PTPRB: variants seen among roughly 807,000 people sequenced by gnomAD.
PTPRB encodes the protein protein tyrosine phosphatase receptor type B.
A neutral mutation model predicts 238.1 loss-of-function variants in PTPRB; 97 were observed. The ratio of observed to expected loss-of-function variants is 0.41; its 90% confidence interval spans 0.35 to 0.48. The LOEUF (loss-of-function observed/expected upper bound fraction) is 0.48, where lower values mean the gene tolerates loss of function less well. PTPRB is among the 20% of genes least tolerant of loss of function. The probability of loss-of-function intolerance (pLI) is 0.30; values close to 1 mark genes in which losing one functional copy is unlikely to be tolerated. For missense variants in PTPRB, 2,292 were observed against 2,681.9 expected (o/e 0.85, Z 3.21); for synonymous variants, 970 against 995.4 (o/e 0.97, Z 0.48).
chr12:70,534,649 C>T lies in PTPRB; in HGVS notation c.6207G>A (p.Glu2069=), dbSNP rs1225872630. The T allele has an allele frequency of 1.2e-6, 2 of 1,611,904 alleles. No homozygotes were observed. Among genetic ancestry groups the T allele is most frequent in the Non-Finnish European group, 1.7e-6 (2 of 1,179,018 alleles). ...TGAGTCTGTGTGCATCAAGCTGTTC[C>T]TCCTGTAAGAGCAGAGAGCAGGATA... is the stretch of plus-strand genomic sequence containing the variant. ...WTIREFKICG[E]EQLDAHRLIR... is the part of the protein sequence containing the mutation. Residue 2069 remains glutamate (E), a splice_region_variant and synonymous_variant, in exon 31 of 34, where the codon GAG becomes GAA. Coordinates refer to ENST00000334414, the MANE Select transcript of PTPRB (RefSeq NM_001109754.4).
chr12:70,573,768 G>C (rs1880386063), intron 11 of PTPRB, among the ~76,000 whole-genome samples: 1 of 150,332 alleles, frequency 6.7e-6, no homozygotes, highest in African/African-American at 2.5e-5. Flanking sequence ...GCCTCCCAAA[G>C]TGCTGGGGAT....
At chr12:70,617,385 C>G (rs1422659693) in intron 3 of PTPRB, among the ~76,000 whole-genome samples, 5 of 152,162 alleles carry the variant, frequency 3.3e-5, no homozygotes, top group Admixed American at 6.5e-5. Flanking sequence ...TCCCAAGTGG[C>G]CTTTTTTGTA....
rs1192334721 is a variant in PTPRB at position 70,555,319 on chromosome 12, G to A, written c.4994-10C>T. 1.9e-6 allele frequency: 3 copies of A among 1,607,824 alleles called. No homozygotes were observed. Among genetic ancestry groups the A allele is most frequent in the Non-Finnish European group, 2.5e-6 (3 of 1,177,342 alleles). On this transcript the variant is annotated splice_polypyrimidine_tract_variant and intron_variant, in intron 19 of 33. Transcript: ENST00000334414. The stretch of plus-strand genomic sequence containing the variant: ...GGTGGAGGAGGGGGGCCTGGAAAAA[G>A]AGGTGGGGAAGGAACCAAGAGGGGT...
intron 31 of PTPRB, among the ~76,000 whole-genome samples, chr12:70,533,241 C>T (rs1293327759): frequency 1.3e-5 from 2 of 152,060 alleles, no homozygotes; most frequent in African/African-American, 2.4e-5. Flanking sequence ...AAAATGCCTG[C>T]CATTTTTCAA....
chr12:70,537,044 G>A (rs1486512060), intron 28 of PTPRB, among the ~76,000 whole-genome samples: 11 of 152,116 alleles, frequency 7.2e-5, no homozygotes, highest in Non-Finnish European at 1.5e-5. Flanking sequence ...CAGCACTTTG[G>A]GAGGCCAAGG....
intron 29 of PTPRB, among the ~76,000 whole-genome samples, chr12:70,535,300 A>G (rs1592408832): frequency 8.7e-6 from 1 of 114,594 alleles, no homozygotes; most frequent in Non-Finnish European, 1.7e-5. Flanking sequence ...TTCACAACGT[A>G]TTGTTCTTTC....
chr12:70,571,158 G>T lies in PTPRB; in HGVS notation c.3238C>A (p.Pro1080Thr). 4 of 1,613,982 alleles carry T rather than the reference G, an allele frequency of 2.5e-6. No individual in the cohort carries two copies. Among genetic ancestry groups the T allele is most frequent in the Non-Finnish European group, 3.4e-6 (4 of 1,179,890 alleles). Residue 1080 changes from proline to threonine, a missense_variant, in exon 13 of 34, where the codon CCT becomes ACT. By Grantham distance (38) the Pro-to-Thr change is conservative (BLOSUM62 -1). Around this residue, in one of 4 missense-constraint regions of PTPRB, gnomAD observed 1,205 missense variants for 1,287.8 expected, o/e 0.94. Coordinates refer to ENST00000334414, the MANE Select transcript of PTPRB (RefSeq NM_001109754.4). Reference sequence around the variant, plus strand: ...GCGGTATTTACAAGGTGAAAAGGAGGAAATACTTTCATGTCATTGAAGAGC... The same window carrying T: ...GCGGTATTTACAAGGTGAAAAGGAGTAAATACTTTCATGTCATTGAAGAGC... Reference protein sequence around the residue: ...QLLFNDMKVFPPFHLVNTATE... With the variant: ...QLLFNDMKVFTPFHLVNTATE...
intron 21 of PTPRB, among the ~76,000 whole-genome samples, chr12:70,547,342 A>G (rs760742411): frequency 1.6e-4 from 24 of 152,228 alleles, no homozygotes; most frequent in Non-Finnish European, 2.6e-4. Flanking sequence ...GGGGAAGGTG[A>G]GGAGTTGGTG....
At chr12:70,600,462 T>C (rs1883381690) in intron 4 of PTPRB, among the ~76,000 whole-genome samples, 1 of 152,204 alleles carries the variant, frequency 6.6e-6, no homozygotes, top group Non-Finnish European at 1.5e-5. Context: ...TAAAAATAGA[T>C]GTCTACGGAA....
intron 9 of PTPRB, among the ~76,000 whole-genome samples, chr12:70,581,703 G>C (rs1312020439): frequency 6.6e-6 from 1 of 151,972 alleles, no homozygotes; most frequent in Non-Finnish European, 1.5e-5. Flanking sequence ...GGGTGGTATT[G>C]GGAATTCCCT....
chr12:70,556,895 T>C (rs991421941), intron 18 of PTPRB, among the ~76,000 whole-genome samples: 3 of 152,240 alleles, frequency 2.0e-5, no homozygotes, highest in African/African-American at 7.2e-5. Flanking sequence ...GTACCTACTA[T>C]GTGCCAGGTG....
intron 7 of PTPRB, among the ~76,000 whole-genome samples, chr12:70,591,167 G>A (rs973223085): frequency 1.3e-5 from 2 of 150,744 alleles, no homozygotes; most frequent in African/African-American, 4.9e-5. Flanking sequence ...AAACTCCTGG[G>A]CTCAAGCAAC....
At chr12:70,601,500 A>G (rs1324273040) in intron 4 of PTPRB, among the ~76,000 whole-genome samples, 2 of 152,138 alleles carry the variant, frequency 1.3e-5, no homozygotes, top group East Asian at 1.9e-4. Context: ...AAACAACAGC[A>G]TCTTTACAGA....
intron 15 of PTPRB, among the ~76,000 whole-genome samples, chr12:70,564,019 C>T (rs59888675): frequency 0.051 from 7,829 of 152,238 alleles, 578 homozygotes; most frequent in African/African-American, 0.17. Context: ...CACCACTCAT[C>T]CTCGCTCACT....
At chr12:70,552,076 A>G (rs969072283) in intron 21 of PTPRB, among the ~76,000 whole-genome samples, 1 of 152,204 alleles carries the variant, frequency 6.6e-6, no homozygotes, top group Non-Finnish European at 1.5e-5. Flanking sequence ...TTCAGTTCAC[A>G]TTATAAGTAG....
In PTPRB at chr12:70,552,830, A is replaced by T; in HGVS notation, c.5334T>A (p.Asp1778Glu). The change falls in exon 21 of 34, where the codon GAT becomes GAA. Residue 1778 changes from aspartate to glutamate, a missense_variant. Around this residue, in one of 4 missense-constraint regions of PTPRB, gnomAD observed 683 missense variants for 862.0 expected, o/e 0.79. Coordinates refer to ENST00000334414, the MANE Select transcript of PTPRB (RefSeq NM_001109754.4). Reference protein sequence around the residue: ...AEMESLGGKCDPTQQKFCDGP... With the variant: ...AEMESLGGKCEPTQQKFCDGP... Reference sequence around the variant, plus strand: ...CATCACAGAATTTTTGCTGAGTGGGATCGCATTTTCCACCTAGGCTCTCCA... The same window carrying T: ...CATCACAGAATTTTTGCTGAGTGGGTTCGCATTTTCCACCTAGGCTCTCCA... The T allele has an allele frequency of 6.2e-7, 1 of 1,613,978 alleles. No individual in the cohort carries two copies. Among genetic ancestry groups the T allele is most frequent in the African/African-American group, 1.3e-5 (1 of 75,032 alleles).
intron 16 of PTPRB, among the ~76,000 whole-genome samples, chr12:70,562,290 A>G (rs1316201484): frequency 6.6e-6 from 1 of 151,030 alleles, no homozygotes; most frequent in Non-Finnish European, 1.5e-5. Flanking sequence ...TCCCCCCCCA[A>G]AACATTTTTT....
intron 4 of PTPRB, among the ~76,000 whole-genome samples, chr12:70,601,280 TGC>T (rs1358950310): frequency 6.6e-6 from 1 of 151,778 alleles, no homozygotes; most frequent in African/African-American, 2.4e-5. Flanking sequence ...TGGGATTGCA[TGC>T]GAACCACCAC....
At chr12:70,621,492 T>A (rs1293243997) in intron 3 of PTPRB, among the ~76,000 whole-genome samples, 1 of 152,164 alleles carries the variant, frequency 6.6e-6, no homozygotes, top group African/African-American at 2.4e-5. Flanking sequence ...ACAGGAAAGA[T>A]TTATAGTAAA....
Sources: gnomAD v4.1 joint callset for allele counts (sites outside exome capture counted in the v4.1 genomes callset) on GRCh38, gnomAD v4.1.1 for gene constraint, gnomAD v4.1.1 regional missense constraint, MANE v1.5 for transcripts, NCBI Gene and HGNC (gene_info 2026-07-23, HGNC 2026-07-21) for gene names.